Variants in AKT1S1 observed in about 807,000 individuals in gnomAD.
AKT1S1 encodes the protein AKT1 substrate 1.
Under a neutral mutation model 21.2 loss-of-function variants are expected in AKT1S1, and 17 were observed. The ratio of observed to expected loss-of-function variants is 0.80; its 90% CI spans 0.55 to 1.20. The LOEUF (loss-of-function observed/expected upper bound fraction) is 1.20, where lower values mean the gene tolerates loss of function less well. AKT1S1 is among the 50% of genes most tolerant of loss of function. The pLI is 0.00. For missense variants in AKT1S1, 366 were observed against 368.3 expected (o/e 0.99, Z 0.05); for synonymous variants, 181 against 165.6 (o/e 1.09, Z -0.72).
chr19:49,871,798 C>G lies in AKT1S1; in HGVS notation c.457+14G>C, dbSNP rs1405984464. The stretch of plus-strand genomic sequence containing the variant: ...TGCCCTCAGGTCGGGAGGGGAACAG[C>G]CTGGGACACTCACCATCTGTACTCT... On this transcript the variant is annotated intron_variant, in intron 3 of 4. Coordinates refer to ENST00000344175, the MANE Select transcript of AKT1S1 (RefSeq NM_001098633.4). The G allele has an allele frequency of 1.2e-6, 2 of 1,612,360 alleles. No homozygotes were observed. Among genetic ancestry groups the G allele is most frequent in the Admixed American group, 3.4e-5 (2 of 59,490 alleles).
chr19:49,872,946 C>T lies in AKT1S1; in HGVS notation c.350G>A (p.Gly117Glu). The T allele has an allele frequency of 6.2e-7, 1 of 1,603,582 alleles. No individual in the cohort carries two copies. Among genetic ancestry groups the T allele is most frequent in the Non-Finnish European group, 8.5e-7 (1 of 1,178,364 alleles). The change falls in exon 2 of 5, where the codon GGG becomes GAG. Residue 117 changes from glycine (G) to glutamate (E), a missense_variant. Transcript: ENST00000344175. Reference sequence around the variant, plus strand: ...ATTATCACTAATGCCCAGCTGCTCCCCGGAGGTCTCTGTCTCTGTGGGCTC... The same window carrying T: ...ATTATCACTAATGCCCAGCTGCTCCTCGGAGGTCTCTGTCTCTGTGGGCTC... ...EDEPTETETS[G>E]EQLGISDNGG...
rs1376185542 is a variant in AKT1S1, at chr19:49,872,920, C to T, written c.376G>A (p.Gly126Arg). The T allele has an allele frequency of 3.8e-5, 60 of 1,599,536 alleles. No individual in the cohort carries two copies. The highest frequency in any genetic ancestry group is 4.8e-5 in the Non-Finnish European group (57 of 1,178,614). The change falls in exon 2 of 5, where the codon GGA (glycine) becomes AGA (arginine). Residue 126 changes from glycine to arginine, a missense_variant. Coordinates refer to ENST00000344175, the MANE Select transcript of AKT1S1 (RefSeq NM_001098633.4). ...SGEQLGISDN[G>R]GLFVMDEDAT... ...GCCCCTGCCCCCACCCTCTCACCTC[C>T]ATTATCACTAATGCCCAGCTGCTCC...
At chr19:49,876,274 G>C in intron 1 of AKT1S1, 2 of 1,161,214 alleles carry the variant, frequency 1.7e-6, no homozygotes, top group Non-Finnish European at 2.1e-6. Flanking sequence ...GGCCAGGACC[G>C]GAAGTCCCGC....
chr19:49,869,683 T>A lies in AKT1S1; in HGVS notation c.*234A>T, dbSNP rs2074859787. The A allele has an allele frequency of 2.3e-6, 1 of 437,024 alleles. No homozygotes were observed. The highest frequency in any genetic ancestry group is 4.3e-5 in the Admixed American group (1 of 23,222). 27.1% of individuals were successfully genotyped at this position (437,024 alleles called of 1,614,324 possible). A position where few individuals can be genotyped will look rare whatever the true frequency, so the allele number is the denominator to read the frequency against. ...TCCCTTAATAGAAGGAATCTGTCGC[T>A]AGGCGGAGAGAGACGACAGACCCAA... On this transcript the variant is annotated 3_prime_UTR_variant, in exon 5 of 5. Transcript: ENST00000344175.
In AKT1S1 at chr19:49,876,307, C is replaced by A. The variant is rs1485829568; in HGVS notation, c.-8+930G>T. On this transcript the variant is annotated intron_variant, in intron 1 of 4. Transcript: ENST00000344175. ...CGCCTTTGGACGGGTGAGGGGCGCC[C>A]CGAGGCCCCCCAAACCATCCCCCGA... is the stretch of plus-strand genomic sequence containing the variant. 5 of 1,199,554 alleles carry A rather than the reference C, an allele frequency of 4.2e-6. No homozygotes were observed. In the East Asian group the frequency reaches 1.0e-4, roughly 25 times the overall value. The allele number at this position is 1,199,554 out of a possible 1,614,324, so 74.3% of individuals were successfully genotyped here.
chr19:49,877,733 G>C, upstream of AKT1S1: 1 of 1,598,950 alleles, frequency 6.3e-7, no homozygotes, highest in Non-Finnish European at 8.5e-7. Flanking sequence ...TATGGAAGGA[G>C]CCGGCTACAG....
upstream of AKT1S1, chr19:49,877,725 T>C: frequency 2.5e-6 from 4 of 1,600,626 alleles, no homozygotes; most frequent in Non-Finnish European, 2.6e-6. Flanking sequence ...GCGGCGACTA[T>C]GGAAGGAGCC....
At position 49,869,165 on chromosome 19, in the gene AKT1S1, C is replaced by T. The variant is rs2074851046; in HGVS notation, c.*752G>A. The T allele has an allele frequency of 6.6e-6, 1 of 152,482 alleles. No individual in the cohort carries two copies. Among genetic ancestry groups the T allele is most frequent in the South Asian group, 2.1e-4 (1 of 4,846 alleles). 9.4% of individuals were successfully genotyped at this position (152,482 alleles called of 1,614,324 possible). ...GCCCCTGCCCCCCACCTTGGGTGGACGAGGGCCCTTTAAGGCACCTGTGGA... is the reference window on the plus strand; with the variant it reads ...GCCCCTGCCCCCCACCTTGGGTGGATGAGGGCCCTTTAAGGCACCTGTGGA... On this transcript the variant is annotated 3_prime_UTR_variant, in exon 5 of 5. Coordinates refer to ENST00000344175, the MANE Select transcript of AKT1S1 (RefSeq NM_001098633.4).
intron 1 of AKT1S1, chr19:49,876,236 A>C: frequency 9.3e-7 from 1 of 1,073,872 alleles, no homozygotes; most frequent in Non-Finnish European, 1.1e-6. Context: ...TGGTCTAGGA[A>C]GAAAACAGGA....
chr19:49,875,293 AGTGAGG>A (rs2074926969), intron 1 of AKT1S1: 1 of 151,492 alleles, frequency 6.6e-6, no homozygotes, highest in South Asian at 2.1e-4. Flanking sequence ...CAGATGGAAA[AGTGAGG>A]CTCAGAGAGC....
intron 1 of AKT1S1, chr19:49,876,685 T>G: frequency 6.8e-7 from 1 of 1,464,980 alleles, no homozygotes; most frequent in Non-Finnish European, 9.1e-7. Context: ...TCCGCGCAGT[T>G]GCCCCGCCTC....
chr19:49,876,511 C>G, intron 1 of AKT1S1: 1 of 1,433,636 alleles, frequency 7.0e-7, no homozygotes, highest in South Asian at 1.5e-5. Flanking sequence ...GGCCATACCC[C>G]TCCCGTGAGC....
chr19:49,873,085 C>G lies in AKT1S1; in HGVS notation c.211G>C (p.Ala71Pro), dbSNP rs1319179152. The stretch of plus-strand genomic sequence containing the variant: ...GCAGGAGGCCGAGCAGCAGTGGCAG[C>G]CCTGTGGGCCAGTGCGATGTCGTGG... ...CLHDIALAHR[A>P]ATAARPPAPP... is the part of the protein sequence containing the mutation. Residue 71 changes from alanine (A) to proline (P), a missense_variant, in exon 2 of 5, where the codon GCT becomes CCT. Coordinates refer to ENST00000344175, the MANE Select transcript of AKT1S1 (RefSeq NM_001098633.4). This position sits in a 1 kb window ranked among gnomAD's most constrained non-coding sequence, Gnocchi z 6.9. 6.4e-7 allele frequency: 1 copy of G among 1,550,808 alleles called. No homozygotes were observed. Among genetic ancestry groups the G allele is most frequent in the Non-Finnish European group, 8.7e-7 (1 of 1,150,082 alleles).
At chr19:49,870,254 C>G (rs2074869568) in intron 4 of AKT1S1, among the ~76,000 whole-genome samples, 194 bp from the exon 5 acceptor site, 1 of 152,218 alleles carries the variant, frequency 6.6e-6, no homozygotes, top group Admixed American at 6.5e-5. Flanking sequence ...CTACCCGGTT[C>G]AGACACCTCC....
chr19:49,873,177 C>A lies in AKT1S1; in HGVS notation c.119G>T (p.Arg40Leu), dbSNP rs752926758. The A allele has an allele frequency of 6.5e-7, 1 of 1,533,028 alleles. No homozygotes were observed. The allele number at this position is 1,533,028 out of a possible 1,614,324, so 95.0% of individuals were successfully genotyped here. Reference sequence around the variant, plus strand: ...GGCAGCATAGGCACAGGGGCCCGGGCGGGGTGGTGGCGGCGGGGCCGCGGT... The same window carrying A: ...GGCAGCATAGGCACAGGGGCCCGGGAGGGGTGGTGGCGGCGGGGCCGCGGT... ...LLTAAPPPPP[R>L]PGPCAYAAHG... The change falls in exon 2 of 5, where the codon CGC becomes CTC. Residue 40 changes from arginine (R) to leucine (L), a missense_variant. By Grantham distance (102) the Arg-to-Leu change is moderately radical. Coordinates refer to ENST00000344175, the MANE Select transcript of AKT1S1 (RefSeq NM_001098633.4). The surrounding 1 kb of genome is among the most constrained non-coding windows in gnomAD (Gnocchi z 6.9).
chr19:49,872,202 C>T (rs1169652646), intron 2 of AKT1S1, among the ~76,000 whole-genome samples: 1 of 152,186 alleles, frequency 6.6e-6, no homozygotes, highest in Non-Finnish European at 1.5e-5. Context: ...TGACTATGAC[C>T]TCTGTTTCAC....
rs1324325043 is a variant in AKT1S1 at position 49,869,318 on chromosome 19, T to G, written c.*599A>C. 1 of 152,712 alleles carries G rather than the reference T, an allele frequency of 6.5e-6. No individual in the cohort carries two copies. Among genetic ancestry groups the G allele is most frequent in the Non-Finnish European group, 1.5e-5 (1 of 68,042 alleles). The allele number at this position is 152,712 out of a possible 1,614,324, so 9.5% of individuals were successfully genotyped here. On this transcript the variant is annotated 3_prime_UTR_variant, in exon 5 of 5. Transcript: ENST00000344175. ...CAGAGGCAGGGACAGTTTGGGGCCA[T>G]CCCTGAGGGGGTCAGGGAACAAGTT...
chr19:49,877,380 T>C (rs114169993), upstream of AKT1S1: 1,185 of 352,514 alleles, frequency 3.4e-3, 10 homozygotes, highest in African/African-American at 0.022. Context: ...AATTCCAGTA[T>C]ACAATATGGA....
At chr19:49,875,068 T>A (rs537408068) in intron 1 of AKT1S1, 1 of 152,302 alleles carries the variant, frequency 6.6e-6, no homozygotes, top group South Asian at 2.1e-4. Flanking sequence ...AACCTTCTCA[T>A]CCCACCCTTT....
Sources: allele counts gnomAD v4.1 joint callset (sites outside exome capture counted in the v4.1 genomes callset), GRCh38; gene constraint gnomAD v4.1.1; non-coding constraint Gnocchi (gnomAD v3.1); transcripts MANE v1.5; gene names NCBI Gene and HGNC (gene_info 2026-07-23, HGNC 2026-07-21).